HIBCH: variants seen among roughly 807,000 people sequenced by gnomAD.
HIBCH encodes 3-hydroxyisobutyryl-CoA hydrolase, mitochondrial.
A neutral mutation model predicts 58.2 loss-of-function variants in HIBCH; 50 were observed. That is an observed-to-expected ratio of 0.86 (90% CI 0.68 to 1.09). The LOEUF (loss-of-function observed/expected upper bound fraction) is 1.09, where lower values mean the gene tolerates loss of function less well. Among genes scored for constraint, HIBCH ranks in the 50% least tolerant of loss-of-function variants. The pLI, the probability that HIBCH is intolerant of heterozygous loss-of-function variation, is 0.00. For synonymous variants in HIBCH, 151 were observed against 146.9 expected (o/e 1.03, Z -0.20); for missense variants, 450 against 449.7 (o/e 1.00, Z -0.01).
intron 1 of HIBCH, among the ~76,000 whole-genome samples, chr2:190,311,281 C>T (rs746284970): frequency 1.3e-5 from 2 of 151,924 alleles, no homozygotes; most frequent in East Asian, 1.9e-4. Flanking sequence ...GTTTGGGGGA[C>T]GGAAGGAGGG....
Position 190,192,452 on chromosome 2 carries a change from C to CTGTGTGTGTGTG in HIBCH, c.*18-2467_*18-2456dup, listed in dbSNP as rs147936734. Among the ~76,000 whole-genome samples, 1,052 of 145,334 alleles carry CTGTGTGTGTGTG rather than the reference C, an allele frequency of 7.2e-3. 11 individuals are homozygous for CTGTGTGTGTGTG. The highest frequency in any genetic ancestry group is 0.02 in the African/African-American group (797 of 39,054). ...TGTGTTTCCATGTATAATTCAGAAT[C>CTGTGTGTGTGTG]TGTGTGTGTGTGTGTGTGTGTGTGT... On this transcript the variant is annotated intron_variant, in intron 1 of 1. Coordinates refer to the HIBCH transcript ENST00000399855.
At chr2:190,252,057 G>A (rs552673357) in intron 8 of HIBCH, 105 bp downstream of exon 8, 7 of 1,049,214 alleles carry the variant, frequency 6.7e-6, no homozygotes, top group Admixed American at 3.4e-5. Context: ...TTCACACCAC[G>A]ATTTCACCAG....
At chr2:190,195,668 A>G (rs1689935592) in intron 1 of HIBCH, among the ~76,000 whole-genome samples, 1 of 152,252 alleles carries the variant, frequency 6.6e-6, no homozygotes, top group South Asian at 2.1e-4. Context: ...ACAATCTTTT[A>G]TCAAATATGC....
At chr2:190,200,133 G>C (rs746664124), downstream of HIBCH, 2 of 1,613,768 alleles carry the variant, frequency 1.2e-6, no homozygotes. Context: ...CATACATTGA[G>C]AGTGAGGGGC....
In HIBCH at chr2:190,292,711, CTTTG is replaced by C. The variant is rs1004224571; in HGVS notation, c.304+1831_304+1834del. 4.9e-4 allele frequency among the ~76,000 whole-genome samples: 75 copies of C among 152,292 alleles called. 1 individual carries two copies. The highest frequency in any genetic ancestry group is 6.8e-3 in the Middle Eastern group (2 of 294). On this transcript the variant is annotated intron_variant, in intron 4 of 13. Transcript: ENST00000359678. ...AAACAAACAAACAAAAAATGACTAT[CTTTG>C]TTTATCATCTTTTATTCAGCTCTTA...
Position 190,246,279 on chromosome 2 carries a change from T to A in HIBCH, c.751-67A>T, listed in dbSNP as rs962343017. 3.1e-5 allele frequency: 27 copies of A among 870,868 alleles called. No homozygotes were observed. In the Admixed American group the frequency reaches 5.4e-4, roughly 17 times the overall value. 53.9% of individuals were successfully genotyped at this position (870,868 alleles called of 1,614,324 possible). A position where few individuals can be genotyped will look rare whatever the true frequency, so the allele number is the denominator to read the frequency against. ...TTTTTAATCCTTAAAAATTCATATT[T>A]AATGATACACTTTGTGAAAGATTGT... On this transcript the variant is annotated intron_variant, in intron 9 of 13. Transcript: ENST00000359678.
chr2:190,273,990 C>G (rs560125787), intron 6 of HIBCH, among the ~76,000 whole-genome samples: 75 of 152,194 alleles, frequency 4.9e-4, no homozygotes, highest in African/African-American at 1.8e-3. Flanking sequence ...TTTGGAGACA[C>G]AGAGTCTCGC....
intron 6 of HIBCH, among the ~76,000 whole-genome samples, chr2:190,267,783 A>C (rs1687283467): frequency 6.6e-6 from 1 of 152,102 alleles, no homozygotes; most frequent in Non-Finnish European, 1.5e-5. Context: ...TCTTCTAAAG[A>C]AGCAAAAATG....
chr2:190,245,796 C>T (rs567384180), intron 10 of HIBCH, among the ~76,000 whole-genome samples: 1 of 152,036 alleles, frequency 6.6e-6, no homozygotes, highest in Non-Finnish European at 1.5e-5. Context: ...TGGAGACCAG[C>T]CTGGCCAACA....
chr2:190,253,114 GA>G lies in HIBCH; in HGVS notation c.518-808del, dbSNP rs369435680. Among the ~76,000 whole-genome samples, 642 of 152,202 alleles carry G rather than the reference GA, an allele frequency of 4.2e-3. 7 individuals carry two copies. Among genetic ancestry groups the G allele is most frequent in the Admixed American group, 0.024 (361 of 15,284 alleles). Reference sequence around the variant, plus strand: ...TGAGGCAGGAGAATCGCTTGAACCCGAGAGGCAGAGGTTGCAGTGAGCTAAT... The same window carrying G: ...TGAGGCAGGAGAATCGCTTGAACCCGGAGGCAGAGGTTGCAGTGAGCTAAT... On this transcript the variant is annotated intron_variant, in intron 7 of 13. Transcript: ENST00000359678.
Position 190,306,511 on chromosome 2 carries a change from A to C in HIBCH, c.78+4243T>G, listed in dbSNP as rs979779156. Among the ~76,000 whole-genome samples the C allele has an allele frequency of 3.3e-5, 5 of 152,088 alleles. No homozygotes were observed. The highest frequency in any genetic ancestry group is 1.2e-4 in the African/African-American group (5 of 41,418). ...CAGCAGGTTTCCCAAATTGCATGAC[A>C]GTTGTACTGTCATGCAATATACTGC... On this transcript the variant is annotated intron_variant, in intron 2 of 13. Coordinates refer to ENST00000359678, the MANE Select transcript of HIBCH (RefSeq NM_014362.4). This position sits in a 1 kb window ranked among gnomAD's most constrained non-coding sequence, Gnocchi z 4.6.
chr2:190,278,719 A>G (rs1687624891), intron 6 of HIBCH, among the ~76,000 whole-genome samples: 1 of 148,550 alleles, frequency 6.7e-6, no homozygotes, highest in Admixed American at 6.8e-5. Flanking sequence ...AGCCTGGGCA[A>G]AAGAGTGAGA....
downstream of HIBCH, chr2:190,200,197 ATGTGACAAAAGCAAAAACTGG>A: frequency 6.5e-7 from 1 of 1,536,444 alleles, no homozygotes; most frequent in Non-Finnish European, 8.9e-7. Context: ...GTTTGAATAA[ATGTGACAAAAGCAAAAACTGG>A]TGTGAAAAAG....
chr2:190,290,529 T>A (rs1395497111), intron 4 of HIBCH, 44 bp from the exon 5 acceptor site: 1 of 1,125,568 alleles, frequency 8.9e-7, no homozygotes, highest in Non-Finnish European at 1.3e-6. Context: ...GATTTAATAG[T>A]CAACATTGTC....
intron 9 of HIBCH, among the ~76,000 whole-genome samples, chr2:190,247,182 C>G (rs1384571379): frequency 6.6e-6 from 1 of 152,030 alleles, no homozygotes; most frequent in Non-Finnish European, 1.5e-5. Context: ...TATTCTTTTT[C>G]CTAATTTAAC....
chr2:190,288,174 T>TAAA (rs72480573), intron 5 of HIBCH, among the ~76,000 whole-genome samples: 2,993 of 144,906 alleles, frequency 0.021, 65 homozygotes, highest in East Asian at 0.072. Context: ...TTTTTTTTTT[T>TAAA]AAAAAAAGGA....
downstream of HIBCH, chr2:190,200,034 C>A: frequency 6.2e-7 from 1 of 1,614,104 alleles, no homozygotes; most frequent in South Asian, 1.1e-5. Context: ...ATACTGTGAT[C>A]TTGGAATATG....
chr2:190,261,581 CTATT>C (rs1687089375), intron 6 of HIBCH, among the ~76,000 whole-genome samples: 1 of 151,588 alleles, frequency 6.6e-6, no homozygotes, highest in African/African-American at 2.4e-5. Flanking sequence ...ACAAATGTGT[CTATT>C]TATCTGATAT....
At chr2:190,246,301 T>C (rs1445000221) in intron 9 of HIBCH, 89 bp from the exon 10 acceptor site, 10 of 736,236 alleles carry the variant, frequency 1.4e-5, no homozygotes, top group African/African-American at 3.5e-5. Context: ...TTGTGAAAGA[T>C]TGTCACTTGT....
Sources: allele counts gnomAD v4.1 joint callset (sites outside exome capture counted in the v4.1 genomes callset), GRCh38; gene constraint gnomAD v4.1.1; non-coding constraint Gnocchi (gnomAD v3.1); transcripts MANE v1.5; gene names NCBI Gene and HGNC (gene_info 2026-07-23, HGNC 2026-07-21).